Variants in FBXL7 observed in about 807,000 individuals in gnomAD.
FBXL7 encodes the protein F-box/LRR-repeat protein 7.
A neutral mutation model predicts 38.3 loss-of-function variants in FBXL7; 12 were observed. That is an observed-to-expected ratio of 0.31 (90% CI 0.20 to 0.51). The LOEUF (loss-of-function observed/expected upper bound fraction) is 0.51. Ranked by LOEUF, FBXL7 falls within the 20% of genes least tolerant of loss-of-function variation. FBXL7 has a pLI of 0.98. For missense variants in FBXL7, 567 were observed against 676.4 expected (o/e 0.84, Z 1.79); for synonymous variants, 297 against 300.9 (o/e 0.99, Z 0.13).
intron 2 of FBXL7, among the ~76,000 whole-genome samples, chr5:15,879,597 A>G (rs1561169659): frequency 6.6e-6 from 1 of 152,144 alleles, no homozygotes; most frequent in East Asian, 1.9e-4. Context: ...TAAAAAAGGA[A>G]ACTCTGGGAA....
intron 1 of FBXL7, among the ~76,000 whole-genome samples, chr5:15,543,606 C>T (rs1561021958): frequency 1.3e-5 from 2 of 152,308 alleles, no homozygotes; most frequent in East Asian, 3.9e-4. Context: ...AAATTTGTAT[C>T]TCCATGATAC....
chr5:15,556,227 A>C (rs1461020097), intron 1 of FBXL7, among the ~76,000 whole-genome samples: 1 of 152,032 alleles, frequency 6.6e-6, no homozygotes, highest in Non-Finnish European at 1.5e-5. Flanking sequence ...AGGCCCCGGA[A>C]AGCTGGCCGT....
chr5:15,516,267 C>G (rs2126365134), intron 1 of FBXL7, among the ~76,000 whole-genome samples: 1 of 152,112 alleles, frequency 6.6e-6, no homozygotes, highest in East Asian at 1.9e-4. Flanking sequence ...TTGGAATATT[C>G]TTCCCATGTG....
At chr5:15,787,946 G>A (rs1282549852) in intron 2 of FBXL7, among the ~76,000 whole-genome samples, 1 of 152,152 alleles carries the variant, frequency 6.6e-6, no homozygotes, top group East Asian at 1.9e-4. Context: ...GAGGCTGGAG[G>A]TCTGAACTAA....
chr5:15,888,438 A>G (rs1740770944), intron 2 of FBXL7, among the ~76,000 whole-genome samples: 1 of 152,040 alleles, frequency 6.6e-6, no homozygotes, highest in South Asian at 2.1e-4. Flanking sequence ...CGTGTTGGCC[A>G]GGCTGGTCTC....
chr5:15,931,323 G>C lies in FBXL7; in HGVS notation c.739+2822G>C, dbSNP rs189077875. Among the ~76,000 whole-genome samples, 106 of 152,272 alleles carry C rather than the reference G, an allele frequency of 7.0e-4. 1 individual carries two copies. Among genetic ancestry groups the C allele is most frequent in the South Asian group, 1.9e-3 (9 of 4,826 alleles). The stretch of plus-strand genomic sequence containing the variant: ...TCAACCAATTTTCAAAATATAAAAT[G>C]TGGTAAATGTTAAAAATAATATTGC... On this transcript the variant is annotated intron_variant, in intron 3 of 3. Transcript: ENST00000504595.
intron 2 of FBXL7, among the ~76,000 whole-genome samples, chr5:15,762,023 G>T (rs1473302207): frequency 6.6e-6 from 1 of 152,192 alleles, no homozygotes; most frequent in East Asian, 1.9e-4. Context: ...GTTTCTGTGG[G>T]TCAGGAATCC....
At chr5:15,862,994 G>A (rs1049622516) in intron 2 of FBXL7, among the ~76,000 whole-genome samples, 1 of 152,166 alleles carries the variant, frequency 6.6e-6, no homozygotes. Context: ...GCACATCTGT[G>A]TGTATTGAGA....
At chr5:15,760,809 C>G (rs2126697950) in intron 2 of FBXL7, among the ~76,000 whole-genome samples, 1 of 152,220 alleles carries the variant, frequency 6.6e-6, no homozygotes, top group South Asian at 2.1e-4. Context: ...ACAAACTTAA[C>G]TCTTAAGTCA....
intron 2 of FBXL7, among the ~76,000 whole-genome samples, chr5:15,735,266 G>C (rs1168031668): frequency 6.6e-6 from 1 of 152,190 alleles, no homozygotes; most frequent in Middle Eastern, 3.2e-3. Flanking sequence ...TTCTATAAAG[G>C]ATTGCTTCTG....
At chr5:15,531,837 C>CTATA (rs1245880933) in intron 1 of FBXL7, among the ~76,000 whole-genome samples, 17 of 152,190 alleles carry the variant, frequency 1.1e-4, no homozygotes, top group African/African-American at 4.1e-4. Flanking sequence ...AGGACATGAA[C>CTATA]TATATCCAAT....
At chr5:15,713,203 A>G (rs1017277926) in intron 2 of FBXL7, among the ~76,000 whole-genome samples, 3 of 152,244 alleles carry the variant, frequency 2.0e-5, no homozygotes, top group Non-Finnish European at 2.9e-5. Context: ...TCCATCTTAC[A>G]TGGCAGCAGG....
At chr5:15,760,172 A>G (rs1208918856) in intron 2 of FBXL7, among the ~76,000 whole-genome samples, 1 of 152,084 alleles carries the variant, frequency 6.6e-6, no homozygotes, top group African/African-American at 2.4e-5. Flanking sequence ...CTATTGGGGT[A>G]AGAGTCAGCT....
At chr5:15,774,868 C>G (rs1476495931) in intron 2 of FBXL7, among the ~76,000 whole-genome samples, 3 of 152,078 alleles carry the variant, frequency 2.0e-5, no homozygotes, top group Non-Finnish European at 4.4e-5. Flanking sequence ...TTTCTCTTGA[C>G]CCCTGAGACA....
chr5:15,549,664 C>G (rs565225012), intron 1 of FBXL7, among the ~76,000 whole-genome samples: 31 of 152,200 alleles, frequency 2.0e-4, no homozygotes, highest in African/African-American at 7.2e-4. Context: ...TTTATGAATA[C>G]AAATGTAAGA....
intron 1 of FBXL7, among the ~76,000 whole-genome samples, chr5:15,591,587 G>C (rs1162607187): frequency 1.3e-5 from 2 of 152,196 alleles, no homozygotes; most frequent in Non-Finnish European, 2.9e-5. Context: ...GAGTCGAGAA[G>C]TGGCAGCTTC....
chr5:15,812,543 A>G (rs1737894630), intron 2 of FBXL7, among the ~76,000 whole-genome samples: 1 of 152,138 alleles, frequency 6.6e-6, no homozygotes, highest in Non-Finnish European at 1.5e-5. Context: ...GCCTTGTAGT[A>G]TAGTTTGAAG....
At chr5:15,719,279 C>T (rs1744130457) in intron 2 of FBXL7, among the ~76,000 whole-genome samples, 1 of 152,066 alleles carries the variant, frequency 6.6e-6, no homozygotes, top group Admixed American at 6.6e-5. Context: ...ATTCTCTTGT[C>T]GTTCTGTATC....
chr5:15,786,035 T>A (rs1031908479), intron 2 of FBXL7, among the ~76,000 whole-genome samples: 1 of 152,284 alleles, frequency 6.6e-6, no homozygotes, highest in East Asian at 1.9e-4. Flanking sequence ...ATAAAGTGAG[T>A]CCTTGAGCAG....
Sources: allele counts gnomAD v4.1 joint callset (sites outside exome capture counted in the v4.1 genomes callset), GRCh38; gene constraint gnomAD v4.1.1; transcripts MANE v1.5; gene names NCBI Gene and HGNC (gene_info 2026-07-23, HGNC 2026-07-21).